KAZN: variants seen among roughly 807,000 people sequenced by gnomAD.
The protein encoded by KAZN is kazrin.
In KAZN, 40 loss-of-function variants were observed where a neutral mutation model predicts 87.4. The observed-to-expected ratio is 0.46, with a 90% CI of 0.36 to 0.60. KAZN has a LOEUF of 0.60. Among genes scored for constraint, KAZN ranks in the 20% least tolerant of loss-of-function variants. The pLI is 0.00. For missense variants in KAZN, 898 were observed against 1,073.9 expected, an observed-to-expected ratio of 0.84 and a Z score of 2.29; for synonymous variants, 466 against 458.3, an observed-to-expected ratio of 1.02 and a Z score of -0.22.
chr1:14,910,696 G>A (rs1657156023), intron 1 of KAZN, among the ~76,000 whole-genome samples: 1 of 152,146 alleles, frequency 6.6e-6, no homozygotes, highest in Non-Finnish European at 1.5e-5. Flanking sequence ...CTACATACAA[G>A]AGATCCCAGA....
At chr1:14,472,072 C>CT (rs1266255329) in intron 2 of KAZN, among the ~76,000 whole-genome samples, 3 of 152,076 alleles carry the variant, frequency 2.0e-5, no homozygotes, top group Admixed American at 2.0e-4. Flanking sequence ...ATAGATGGCA[C>CT]TTTCTTGCTG....
At chr1:14,403,615 T>C (rs1433002091) in intron 2 of KAZN, among the ~76,000 whole-genome samples, 1 of 151,624 alleles carries the variant, frequency 6.6e-6, no homozygotes, top group South Asian at 2.1e-4. Context: ...AAAATCAAAA[T>C]AGAGAAATGA....
intron 2 of KAZN, among the ~76,000 whole-genome samples, chr1:14,562,981 A>T (rs1306275342): frequency 6.6e-6 from 1 of 152,174 alleles, no homozygotes; most frequent in Non-Finnish European, 1.5e-5. Context: ...ATCATTTAAG[A>T]GGCCTTAGAA....
At chr1:13,991,778 A>G (rs923877895) in intron 1 of KAZN, among the ~76,000 whole-genome samples, 1 of 152,054 alleles carries the variant, frequency 6.6e-6, no homozygotes, top group African/African-American at 2.4e-5. Context: ...CTTTCCTTCA[A>G]CAAATATCGT....
At chr1:14,419,322 T>C (rs1665147200) in intron 2 of KAZN, among the ~76,000 whole-genome samples, 1 of 152,182 alleles carries the variant, frequency 6.6e-6, no homozygotes, top group Non-Finnish European at 1.5e-5. Flanking sequence ...CTGACCCCTA[T>C]TCTGTCTGAC....
intron 1 of KAZN, among the ~76,000 whole-genome samples, chr1:14,156,199 G>T (rs989682799): frequency 3.3e-5 from 5 of 152,182 alleles, no homozygotes; most frequent in Non-Finnish European, 7.3e-5. Flanking sequence ...GGTCAGAGAA[G>T]ATGCTTGATA....
At chr1:14,753,912 G>A (rs541520593) in intron 1 of KAZN, among the ~76,000 whole-genome samples, 9 of 152,334 alleles carry the variant, frequency 5.9e-5, no homozygotes, top group Middle Eastern at 3.4e-3. Flanking sequence ...CCAAGATAGC[G>A]TCTTCTTGCT....
chr1:15,026,711 G>T (rs1032418489), intron 2 of KAZN, among the ~76,000 whole-genome samples: 1 of 83,120 alleles, frequency 1.2e-5, no homozygotes, highest in Non-Finnish European at 2.3e-5. Flanking sequence ...ACCAAGGATC[G>T]AAAATAATTT....
chr1:14,905,711 G>A (rs939611223), intron 1 of KAZN, among the ~76,000 whole-genome samples: 1 of 151,514 alleles, frequency 6.6e-6, no homozygotes, highest in Non-Finnish European at 1.5e-5. Flanking sequence ...GGGCATGGTG[G>A]CACGTGCCTG....
chr1:14,021,407 A>G (rs1286104943), intron 1 of KAZN, among the ~76,000 whole-genome samples: 1 of 152,200 alleles, frequency 6.6e-6, no homozygotes, highest in Non-Finnish European at 1.5e-5. Context: ...TTTTCATCCA[A>G]TTCCCAGGTG....
intron 2 of KAZN, among the ~76,000 whole-genome samples, chr1:14,443,427 G>A (rs1666805056): frequency 6.6e-6 from 1 of 152,218 alleles, no homozygotes; most frequent in Non-Finnish European, 1.5e-5. Flanking sequence ...GGAGGATGGA[G>A]CTTTGCTCCA....
chr1:14,920,464 G>A (rs1419574509), intron 1 of KAZN, among the ~76,000 whole-genome samples: 5 of 151,628 alleles, frequency 3.3e-5, no homozygotes, highest in African/African-American at 9.7e-5. Flanking sequence ...ACTGGATGAG[G>A]ACACCTCCTG....
At position 14,773,041 on chromosome 1, in the gene KAZN, G is replaced by GCATTTCTTCAT. The variant is rs1411443066; in HGVS notation, c.226+173818_226+173819insCATTTCTTCAT. 6.6e-6 allele frequency among the ~76,000 whole-genome samples: 1 copy of GCATTTCTTCAT among 152,112 alleles called. No homozygotes were observed. The highest frequency in any genetic ancestry group is 1.9e-4 in the East Asian group (1 of 5,178). On this transcript the variant is annotated intron_variant, in intron 1 of 14. Transcript: ENST00000376030. This position sits in a 1 kb window ranked among gnomAD's most constrained non-coding sequence, Gnocchi z 5.9. ...ATGTCCACAGGCGGCCTCTTCATGG[G>GCATTTCTTCAT]GGTCTCAGGAAATGGGCATTTGAGG...
chr1:14,414,630 A>ATG (rs1014683562), intron 2 of KAZN, among the ~76,000 whole-genome samples: 8 of 149,056 alleles, frequency 5.4e-5, no homozygotes, highest in Non-Finnish European at 4.4e-5. Context: ...GTGTGTGTGT[A>ATG]TGTGTGTGTG....
chr1:14,959,173 G>C (rs1363970262), intron 1 of KAZN, among the ~76,000 whole-genome samples: 1 of 152,162 alleles, frequency 6.6e-6, no homozygotes, highest in African/African-American at 2.4e-5. Flanking sequence ...AGACAGCCCT[G>C]CACCCCCACC....
chr1:14,734,160 C>G (rs79093863), intron 1 of KAZN, among the ~76,000 whole-genome samples: 3,990 of 152,270 alleles, frequency 0.026, 78 homozygotes, highest in East Asian at 0.06. Flanking sequence ...TCTCCTCACC[C>G]GTGGAATGAG....
At chr1:14,257,975 G>GA (rs201805345) in intron 2 of KAZN, among the ~76,000 whole-genome samples, 9,976 of 87,788 alleles carry the variant, frequency 0.11, 780 homozygotes, top group East Asian at 0.39. Context: ...AAAAAAAAGA[G>GA]AAAAAAAAAA....
chr1:14,884,122 G>A (rs555753981), intron 1 of KAZN, among the ~76,000 whole-genome samples: 5 of 152,216 alleles, frequency 3.3e-5, no homozygotes, highest in South Asian at 2.1e-4. Context: ...GGCCGGGCGC[G>A]GGGGCTCACA....
chr1:14,390,329 G>T (rs1482481129), intron 2 of KAZN, among the ~76,000 whole-genome samples: 1 of 152,170 alleles, frequency 6.6e-6, no homozygotes, highest in East Asian at 1.9e-4. Context: ...TGTACAGTAT[G>T]ATTTATAATG....
Sources: gnomAD v4.1 joint callset for allele counts (sites outside exome capture counted in the v4.1 genomes callset) on GRCh38, gnomAD v4.1.1 for gene constraint, Gnocchi (gnomAD v3.1) non-coding constraint, MANE v1.5 for transcripts, NCBI Gene and HGNC (gene_info 2026-07-23, HGNC 2026-07-21) for gene names.